The following MKLN1 variants were observed in gnomAD, a reference collection of about 807,000 sequenced individuals.
The protein encoded by MKLN1 is muskelin.
MKLN1 carries 18 observed loss-of-function variants against 99.0 expected under a neutral mutation model. The ratio of observed to expected loss-of-function variants is 0.18; its 90% CI spans 0.13 to 0.27. The LOEUF (loss-of-function observed/expected upper bound fraction) is 0.27. Ranked by LOEUF, MKLN1 falls within the 10% of genes least tolerant of loss-of-function variation. The probability of loss-of-function intolerance (pLI) is 1.00; values close to 1 mark genes in which losing one functional copy is unlikely to be tolerated. For synonymous variants in MKLN1, 288 were observed against 293.2 expected (o/e 0.98, Z 0.18); for missense variants, 621 against 875.9 (o/e 0.71, Z 3.67).
intron 3 of MKLN1, among the ~76,000 whole-genome samples, chr7:131,289,982 G>A (rs1392920738): frequency 6.6e-6 from 1 of 152,072 alleles, no homozygotes; most frequent in African/African-American, 2.4e-5. Flanking sequence ...CCCAAATATT[G>A]TCTTTTAAAT....
chr7:131,386,752 A>T (rs1227735042), intron 2 of MKLN1, among the ~76,000 whole-genome samples: 1 of 152,236 alleles, frequency 6.6e-6, no homozygotes, highest in African/African-American at 2.4e-5. Flanking sequence ...AGTAGAGTCC[A>T]TAGAAATATG....
At chr7:131,293,143 C>T (rs1398497890) in intron 3 of MKLN1, among the ~76,000 whole-genome samples, 1 of 152,168 alleles carries the variant, frequency 6.6e-6, no homozygotes, top group Non-Finnish European at 1.5e-5. Flanking sequence ...TCAGACCCTG[C>T]CTTTTCCATG....
chr7:131,263,097 G>A (rs1430047488), intron 3 of MKLN1, among the ~76,000 whole-genome samples: 3 of 152,072 alleles, frequency 2.0e-5, no homozygotes, highest in African/African-American at 7.2e-5. Context: ...TTCTTCACAG[G>A]TAATGCTGTG....
At chr7:131,400,276 C>A (rs980920814) in intron 6 of MKLN1, among the ~76,000 whole-genome samples, 1 of 151,390 alleles carries the variant, frequency 6.6e-6, no homozygotes, top group Admixed American at 6.6e-5. Context: ...TAAAAAAAAA[C>A]CAGACTTGTA....
At chr7:131,215,036 G>T (rs534084757) in intron 3 of MKLN1, among the ~76,000 whole-genome samples, 7 of 152,256 alleles carry the variant, frequency 4.6e-5, no homozygotes, top group African/African-American at 1.2e-4. Context: ...GTGGAATTTT[G>T]TATGTTGATC....
chr7:131,138,813 T>C (rs1795689485), intron 1 of MKLN1, among the ~76,000 whole-genome samples: 1 of 152,220 alleles, frequency 6.6e-6, no homozygotes, highest in African/African-American at 2.4e-5. Flanking sequence ...ATCTCCTCTC[T>C]GTGCTATAAT....
intron 10 of MKLN1, among the ~76,000 whole-genome samples, chr7:131,442,313 C>T (rs959140153): frequency 7.2e-5 from 11 of 152,072 alleles, no homozygotes; most frequent in Admixed American, 3.9e-4. Flanking sequence ...TTTGGGAGGC[C>T]GAGGCAGGCG....
intron 1 of MKLN1, among the ~76,000 whole-genome samples, chr7:131,117,835 T>C (rs1795302238): frequency 6.6e-6 from 1 of 152,058 alleles, no homozygotes; most frequent in South Asian, 2.1e-4. Context: ...TGATGATTGA[T>C]TGGAAATAGT....
At chr7:131,261,025 T>C (rs1361749218) in intron 3 of MKLN1, among the ~76,000 whole-genome samples, 4 of 152,138 alleles carry the variant, frequency 2.6e-5, no homozygotes, top group Non-Finnish European at 5.9e-5. Flanking sequence ...ATGTAAAACA[T>C]AAAACTATAA....
intron 16 of MKLN1, among the ~76,000 whole-genome samples, chr7:131,474,462 T>C (rs970762802): frequency 1.3e-5 from 2 of 152,180 alleles, no homozygotes; most frequent in African/African-American, 2.4e-5. Context: ...AATCCAGAGT[T>C]TGGGAAAGAG....
At chr7:131,173,968 CTTTTTCTT>C (rs1796254251) in intron 2 of MKLN1, among the ~76,000 whole-genome samples, 1 of 118,654 alleles carries the variant, frequency 8.4e-6, no homozygotes, top group African/African-American at 3.0e-5. Flanking sequence ...AGACCTTTTT[CTTTTTCTT>C]TTTTTTTTTT....
chr7:131,388,052 A>T (rs1350094534), intron 3 of MKLN1, among the ~76,000 whole-genome samples: 2 of 152,176 alleles, frequency 1.3e-5, no homozygotes, highest in Admixed American at 1.3e-4. Flanking sequence ...CTGTAGTCCC[A>T]TCTACTTGGG....
At chr7:131,153,307 A>G (rs1422504966) in intron 2 of MKLN1, among the ~76,000 whole-genome samples, 1 of 152,070 alleles carries the variant, frequency 6.6e-6, no homozygotes, top group Non-Finnish European at 1.5e-5. Flanking sequence ...GTGCTTCTGT[A>G]CATATTATTT....
intron 2 of MKLN1, among the ~76,000 whole-genome samples, chr7:131,178,051 A>G (rs1279189075): frequency 6.6e-6 from 1 of 152,212 alleles, no homozygotes; most frequent in Admixed American, 6.5e-5. Flanking sequence ...GAAAAAGAGT[A>G]AAAATGAGTA....
At chr7:131,140,811 G>A (rs980373262) in intron 1 of MKLN1, among the ~76,000 whole-genome samples, 11 of 149,870 alleles carry the variant, frequency 7.3e-5, no homozygotes, top group Admixed American at 1.3e-4. Context: ...ACAGAGTCTC[G>A]CTTTGTCGCC....
chr7:131,361,827 C>T (rs1244241609), intron 1 of MKLN1, among the ~76,000 whole-genome samples: 1 of 151,682 alleles, frequency 6.6e-6, no homozygotes, highest in African/African-American at 2.4e-5. Flanking sequence ...ATCTTTTCTA[C>T]ATTGTTGCAC....
intron 1 of MKLN1, among the ~76,000 whole-genome samples, chr7:131,332,981 T>A (rs1029251040): frequency 6.6e-6 from 1 of 152,060 alleles, no homozygotes; most frequent in Non-Finnish European, 1.5e-5. Context: ...TGGAATTTAG[T>A]GGCACCATCT....
chr7:131,493,303 T>A lies in MKLN1; in HGVS notation c.*5575T>A, dbSNP rs1455762643. 1 of 152,212 alleles carries A rather than the reference T, an allele frequency of 6.6e-6. No homozygotes were observed. The highest frequency in any genetic ancestry group is 6.5e-5 in the Admixed American group (1 of 15,286). The allele number at this position is 152,212 out of a possible 1,614,324, so 9.4% of individuals were successfully genotyped here. A position where few individuals can be genotyped will look rare whatever the true frequency, so the allele number is the denominator to read the frequency against. On this transcript the variant is annotated 3_prime_UTR_variant, in exon 18 of 18. Coordinates refer to ENST00000352689, the MANE Select transcript of MKLN1 (RefSeq NM_013255.5). ...TATCTAAGGCATTTTGACTTGGAAG[T>A]ATTAAACTTCAGGAACGAGCTAGAG...
At chr7:131,395,952 G>A (rs537751243) in intron 4 of MKLN1, among the ~76,000 whole-genome samples, 1 of 151,698 alleles carries the variant, frequency 6.6e-6, no homozygotes, top group Admixed American at 6.6e-5. Context: ...TCAGCTTTTT[G>A]CCATTATAAA....
Sources: gnomAD v4.1 joint callset for allele counts (sites outside exome capture counted in the v4.1 genomes callset) on GRCh38, gnomAD v4.1.1 for gene constraint, MANE v1.5 for transcripts, NCBI Gene and HGNC (gene_info 2026-07-23, HGNC 2026-07-21) for gene names.